Variants in SLC45A4 observed in about 807,000 individuals in gnomAD.
The protein encoded by SLC45A4 is polyamine-transporter SLC45A4.
A neutral mutation model predicts 63.7 loss-of-function variants in SLC45A4; 32 were observed. That is an observed-to-expected ratio of 0.50 (90% CI 0.38 to 0.67). SLC45A4 has a LOEUF of 0.67. Among genes scored for constraint, SLC45A4 ranks in the 30% least tolerant of loss-of-function variants. The pLI, the probability that SLC45A4 is intolerant of heterozygous loss-of-function variation, is 0.00. For synonymous variants in SLC45A4, 535 were observed against 510.0 expected, an observed-to-expected ratio of 1.05 and a Z score of -0.66; for missense variants, 1,027 against 1,157.7, an observed-to-expected ratio of 0.89 and a Z score of 1.64.
At position 141,252,669 on chromosome 8, in the gene SLC45A4, ACGCCCACC is replaced by A. The variant is rs1828537700; in HGVS notation, c.241+1312_241+1319del. The A allele has an allele frequency of 6.0e-5, 6 of 100,026 alleles. 1 individual carries two copies. In the South Asian group the frequency reaches 2.0e-3, roughly 33 times the overall value. The allele number at this position is 100,026 out of a possible 1,614,324, so 6.2% of individuals were successfully genotyped here. A position where few individuals can be genotyped will look rare whatever the true frequency, so the allele number is the denominator to read the frequency against. On this transcript the variant is annotated intron_variant, in intron 2 of 8. Transcript: ENST00000517878. ...CCTGCGTCTGTGAATTTCCGTTTTC[ACGCCCACC>A]TGTGCGTCTGTGAATTTCCGTGTTT...
chr8:141,261,396 T>C (rs1421273056), intron 1 of SLC45A4, among the ~76,000 whole-genome samples: 1 of 151,872 alleles, frequency 6.6e-6, no homozygotes, highest in African/African-American at 2.4e-5. Context: ...AAGAAGGAAA[T>C]AAAGGGTATT....
intron 2 of SLC45A4, among the ~76,000 whole-genome samples, chr8:141,232,969 A>G (rs773888608): frequency 4.3e-4 from 65 of 152,248 alleles, no homozygotes; most frequent in Non-Finnish European, 7.3e-4. Flanking sequence ...GTCGCTGAAC[A>G]GGAGTGGAGA....
At chr8:141,249,830 T>C (rs1698731221) in intron 2 of SLC45A4, among the ~76,000 whole-genome samples, 1 of 152,200 alleles carries the variant, frequency 6.6e-6, no homozygotes, top group African/African-American at 2.4e-5. Flanking sequence ...GAGAAATAAA[T>C]TGGGCCTTTT....
At chr8:141,286,053 G>A (rs573025474) in intron 1 of SLC45A4, among the ~76,000 whole-genome samples, 1 of 152,274 alleles carries the variant, frequency 6.6e-6, no homozygotes, top group Non-Finnish European at 1.5e-5. Flanking sequence ...CCACAGGCGT[G>A]GGCAGTTGCA....
At chr8:141,236,920 C>T (rs530467817) in intron 2 of SLC45A4, among the ~76,000 whole-genome samples, 2 of 152,356 alleles carry the variant, frequency 1.3e-5, no homozygotes, top group Admixed American at 6.5e-5. Context: ...CACAAACCTC[C>T]ATCGGTCCCT....
intron 2 of SLC45A4, among the ~76,000 whole-genome samples, chr8:141,239,603 C>T (rs979071450): frequency 1.6e-4 from 24 of 152,052 alleles, no homozygotes; most frequent in Non-Finnish European, 3.2e-4. Context: ...CACACACGCA[C>T]GCACACACAC....
chr8:141,276,607 C>T (rs369476462), intron 1 of SLC45A4, among the ~76,000 whole-genome samples: 11 of 152,310 alleles, frequency 7.2e-5, no homozygotes, highest in African/African-American at 1.7e-4. Flanking sequence ...GGACCTCACT[C>T]GGACTCTGCC....
chr8:141,265,623 C>T (rs1395136005), intron 1 of SLC45A4, among the ~76,000 whole-genome samples: 3 of 152,228 alleles, frequency 2.0e-5, no homozygotes, highest in African/African-American at 4.8e-5. Context: ...TGAGGCATGA[C>T]GTCACACTGA....
At chr8:141,217,286 T>A in intron 5 of SLC45A4, 97 bp from the exon 6 acceptor site, 1 of 1,278,356 alleles carries the variant, frequency 7.8e-7, no homozygotes, top group Non-Finnish European at 1.1e-6. Flanking sequence ...GGCTGCTCAT[T>A]CTAAGAGCGG....
At chr8:141,242,603 G>C (rs929545365) in intron 2 of SLC45A4, among the ~76,000 whole-genome samples, 3 of 152,202 alleles carry the variant, frequency 2.0e-5, no homozygotes, top group Non-Finnish European at 4.4e-5. Flanking sequence ...GCTTGCTGCA[G>C]CTCCCGTGGT....
chr8:141,219,286 C>T (rs1419596651), intron 4 of SLC45A4, among the ~76,000 whole-genome samples: 5 of 152,264 alleles, frequency 3.3e-5, no homozygotes, highest in Non-Finnish European at 7.3e-5. Context: ...GTGTGCGCCT[C>T]TCTGCACTGA....
intron 1 of SLC45A4, among the ~76,000 whole-genome samples, chr8:141,298,911 G>T (rs987698410): frequency 2.0e-5 from 3 of 152,230 alleles, no homozygotes; most frequent in South Asian, 2.1e-4. Context: ...AGTGGGGGGT[G>T]GGGGGAGCTG....
chr8:141,240,359 TG>T (rs768444388), intron 2 of SLC45A4, among the ~76,000 whole-genome samples: 1 of 152,182 alleles, frequency 6.6e-6, no homozygotes, highest in Admixed American at 6.6e-5. Context: ...CCTTTTCCCC[TG>T]AGTATACTTC....
chr8:141,262,720 A>G (rs1469251933), intron 1 of SLC45A4, among the ~76,000 whole-genome samples: 14 of 152,304 alleles, frequency 9.2e-5, no homozygotes, highest in Non-Finnish European at 1.3e-4. Flanking sequence ...AACAACAGGT[A>G]CTGGAGAGGA....
intron 1 of SLC45A4, among the ~76,000 whole-genome samples, chr8:141,263,635 T>G (rs1829133704): frequency 6.6e-6 from 1 of 150,640 alleles, no homozygotes; most frequent in Admixed American, 6.6e-5. Flanking sequence ...CTGGGCATGG[T>G]GGCATGTGCC....
At chr8:141,247,151 A>G (rs1313805056) in intron 2 of SLC45A4, among the ~76,000 whole-genome samples, 1 of 152,240 alleles carries the variant, frequency 6.6e-6, no homozygotes, top group African/African-American at 2.4e-5. Context: ...AATTACCAAT[A>G]TCAGGAAAGA....
intron 2 of SLC45A4, among the ~76,000 whole-genome samples, chr8:141,230,755 C>T (rs1232403581): frequency 6.6e-6 from 1 of 152,260 alleles, no homozygotes; most frequent in African/African-American, 2.4e-5. Flanking sequence ...AAGTGCAATG[C>T]TGACACTGTC....
At position 141,246,336 on chromosome 8, in the gene SLC45A4, G is replaced by A. The variant is rs547723525; in HGVS notation, c.241+7653C>T. 5.2e-4 allele frequency among the ~76,000 whole-genome samples: 79 copies of A among 152,206 alleles called. 1 individual carries two copies. Among genetic ancestry groups the A allele is most frequent in the Admixed American group, 1.2e-3 (19 of 15,278 alleles). On this transcript the variant is annotated intron_variant, in intron 2 of 8. Transcript: ENST00000517878. ...TGACGGCCACATACCTCCTGCGGCC[G>A]GGAATTCAGGCACAGCTCTGCGGGG...
At chr8:141,242,384 A>G (rs1827957796) in intron 2 of SLC45A4, among the ~76,000 whole-genome samples, 2 of 152,250 alleles carry the variant, frequency 1.3e-5, no homozygotes, top group Non-Finnish European at 2.9e-5. Context: ...TGACTTCCAC[A>G]GCGGGAATGA....
Sources: allele counts gnomAD v4.1 joint callset (sites outside exome capture counted in the v4.1 genomes callset), GRCh38; gene constraint gnomAD v4.1.1; transcripts MANE v1.5; gene names NCBI Gene and HGNC (gene_info 2026-07-23, HGNC 2026-07-21).